RBFOX1: variants seen among roughly 807,000 people sequenced by gnomAD.
RBFOX1 encodes RNA binding fox-1 homolog 1.
Under a neutral mutation model 57.7 loss-of-function variants are expected in RBFOX1, and 8 were observed. The ratio of observed to expected loss-of-function variants is 0.14; its 90% CI spans 0.08 to 0.25. RBFOX1 has a LOEUF of 0.25. Ranked by LOEUF, RBFOX1 falls within the 10% of genes least tolerant of loss-of-function variation. RBFOX1 has a pLI of 1.00. For missense variants in RBFOX1, 611 were observed against 548.5 expected (o/e 1.11, Z -1.14); for synonymous variants, 326 against 222.4 (o/e 1.47, Z -4.15).
chr16:6,230,803 A>G (rs944369752), intron 1 of RBFOX1, among the ~76,000 whole-genome samples: 1 of 152,238 alleles, frequency 6.6e-6, no homozygotes, highest in Admixed American at 6.5e-5. Context: ...ATGGATACGC[A>G]TAGTACAAAG....
chr16:5,455,448 A>G (rs1395251243), intron 1 of RBFOX1, among the ~76,000 whole-genome samples: 1 of 152,024 alleles, frequency 6.6e-6, no homozygotes, highest in Non-Finnish European at 1.5e-5. Context: ...ATATCACTCC[A>G]CCTCTTGATA....
intron 2 of RBFOX1, among the ~76,000 whole-genome samples, chr16:5,471,689 G>A (rs1017233628): frequency 6.6e-6 from 1 of 152,180 alleles, no homozygotes; most frequent in Non-Finnish European, 1.5e-5. Context: ...TAAAGCACTC[G>A]TGGGACCTCG....
At chr16:5,386,335 T>G (rs984744970) in intron 1 of RBFOX1, among the ~76,000 whole-genome samples, 1 of 151,964 alleles carries the variant, frequency 6.6e-6, no homozygotes, top group African/African-American at 2.4e-5. Flanking sequence ...AGAAGGGTCC[T>G]GAGAGCATTG....
chr16:5,649,998 T>A (rs186383014), intron 3 of RBFOX1, among the ~76,000 whole-genome samples: 1 of 152,208 alleles, frequency 6.6e-6, no homozygotes, highest in Non-Finnish European at 1.5e-5. Context: ...GCAGAGTCGA[T>A]GTTTTGCAAA....
chr16:6,279,776 G>A (rs2076189941), intron 1 of RBFOX1, among the ~76,000 whole-genome samples: 1 of 152,100 alleles, frequency 6.6e-6, no homozygotes, highest in South Asian at 2.1e-4. Flanking sequence ...AATAGGCTTA[G>A]ACAAAACCTG....
At chr16:6,448,276 T>G (rs1289054101) in intron 2 of RBFOX1, among the ~76,000 whole-genome samples, 1 of 149,984 alleles carries the variant, frequency 6.7e-6, no homozygotes, top group Non-Finnish European at 1.5e-5. Flanking sequence ...TCTCCTATCT[T>G]AGCCTCCCAA....
At chr16:5,451,634 C>G (rs1306979009) in intron 1 of RBFOX1, among the ~76,000 whole-genome samples, 1 of 152,204 alleles carries the variant, frequency 6.6e-6, no homozygotes, top group Non-Finnish European at 1.5e-5. Flanking sequence ...ATAGATTCTT[C>G]AGTAGAAGTC....
At chr16:6,867,217 T>C (rs2060094191) in intron 3 of RBFOX1, among the ~76,000 whole-genome samples, 1 of 152,082 alleles carries the variant, frequency 6.6e-6, no homozygotes, top group African/African-American at 2.4e-5. Context: ...TATAAGTCTT[T>C]CTGTAGGGGA....
intron 2 of RBFOX1, among the ~76,000 whole-genome samples, chr16:6,516,504 G>A (rs1245554898): frequency 6.6e-6 from 1 of 152,136 alleles, no homozygotes; most frequent in Non-Finnish European, 1.5e-5. Context: ...AAATGTCTTT[G>A]TTTCAGAGGA....
rs754342591 is a variant in RBFOX1 at position 6,806,836 on chromosome 16, A to ATATATATATATATAT, written c.-16+152187_-16+152188insATATATATATATATT. Reference sequence around the variant, plus strand: ...TATATAAATATATATATATATATATATTTTTTTTTTTTTTTGAGAGAAAGT... The same window carrying ATATATATATATATAT: ...TATATAAATATATATATATATATATATATATATATATATATTTTTTTTTTTTTTTTGAGAGAAAGT... On this transcript the variant is annotated intron_variant, in intron 3 of 15. Transcript: ENST00000550418. Among the ~76,000 whole-genome samples, 238 of 91,792 alleles carry ATATATATATATATAT rather than the reference A, an allele frequency of 2.6e-3. 1 individual carries two copies. Among genetic ancestry groups the ATATATATATATATAT allele is most frequent in the Non-Finnish European group, 3.7e-3 (178 of 48,064 alleles). The allele number at this position is 91,792 out of a possible 152,430, so 60.2% of individuals were successfully genotyped here. A position where few individuals can be genotyped will look rare whatever the true frequency, so the allele number is the denominator to read the frequency against.
At chr16:6,640,624 T>C (rs2098479564) in intron 2 of RBFOX1, among the ~76,000 whole-genome samples, 1 of 151,820 alleles carries the variant, frequency 6.6e-6, no homozygotes, top group Non-Finnish European at 1.5e-5. Flanking sequence ...AATAAATAAA[T>C]AAATAAATAA....
At chr16:6,568,506 G>A (rs1360765327) in intron 2 of RBFOX1, among the ~76,000 whole-genome samples, 1 of 152,112 alleles carries the variant, frequency 6.6e-6, no homozygotes, top group African/African-American at 2.4e-5. Context: ...CAACCTCAGA[G>A]TGACATACCA....
intron 3 of RBFOX1, among the ~76,000 whole-genome samples, chr16:6,754,096 T>C (rs1178038586): frequency 6.6e-6 from 1 of 152,202 alleles, no homozygotes; most frequent in Non-Finnish European, 1.5e-5. Flanking sequence ...TTTACCTAAG[T>C]ATTTTGAGCA....
At chr16:6,989,614 G>T (rs566625647) in intron 3 of RBFOX1, among the ~76,000 whole-genome samples, 1 of 152,170 alleles carries the variant, frequency 6.6e-6, no homozygotes, top group African/African-American at 2.4e-5. Context: ...GAGTGGGACA[G>T]AAGTTATCTC....
At chr16:7,407,289 G>C (rs1370585009) in intron 4 of RBFOX1, among the ~76,000 whole-genome samples, 1 of 152,100 alleles carries the variant, frequency 6.6e-6, no homozygotes, top group East Asian at 1.9e-4. Context: ...GGCTACCACA[G>C]GTAGTTTAGA....
chr16:5,778,436 C>A (rs191371891), intron 3 of RBFOX1, among the ~76,000 whole-genome samples: 13 of 152,298 alleles, frequency 8.5e-5, no homozygotes, highest in African/African-American at 3.1e-4. Flanking sequence ...GCTTCAGCTC[C>A]CTGCCAGCCC....
chr16:6,040,220 C>T (rs1428799858), intron 1 of RBFOX1, among the ~76,000 whole-genome samples: 1 of 152,158 alleles, frequency 6.6e-6, no homozygotes, highest in African/African-American at 2.4e-5. Context: ...ATAAATGTTA[C>T]CGTCTTAACC....
chr16:5,827,107 G>C (rs767780609), intron 3 of RBFOX1, among the ~76,000 whole-genome samples: 1 of 152,030 alleles, frequency 6.6e-6, no homozygotes, highest in Non-Finnish European at 1.5e-5. Context: ...CTCCTTTAAA[G>C]CTACATTGAA....
intron 3 of RBFOX1, among the ~76,000 whole-genome samples, chr16:6,767,948 A>AAT (rs1476267211): frequency 8.2e-5 from 4 of 48,786 alleles, no homozygotes; most frequent in Admixed American, 3.9e-4. Flanking sequence ...TAATAATAAT[A>AAT]AGAAGAAGAA....
Sources: gnomAD v4.1 joint callset for allele counts (sites outside exome capture counted in the v4.1 genomes callset) on GRCh38, gnomAD v4.1.1 for gene constraint, MANE v1.5 for transcripts, NCBI Gene and HGNC (gene_info 2026-07-23, HGNC 2026-07-21) for gene names.